Variants in GABRB3 observed in about 807,000 individuals in gnomAD.
GABRB3 encodes gamma-aminobutyric acid type A receptor subunit beta3.
Under a neutral mutation model 52.1 loss-of-function variants are expected in GABRB3, and 14 were observed. That is an observed-to-expected ratio of 0.27 (90% CI 0.18 to 0.42). The LOEUF is 0.42. Among genes scored for constraint, GABRB3 ranks in the 10% least tolerant of loss-of-function variants. The probability of loss-of-function intolerance (pLI) is 1.00; values close to 1 mark genes in which losing one functional copy is unlikely to be tolerated. For synonymous variants in GABRB3, 260 were observed against 232.3 expected (o/e 1.12, Z -1.08); for missense variants, 307 against 609.1 (o/e 0.50, Z 5.22).
At chr15:26,661,967 C>T (rs1887566596) in intron 3 of GABRB3, among the ~76,000 whole-genome samples, 1 of 152,136 alleles carries the variant, frequency 6.6e-6, no homozygotes, top group Non-Finnish European at 1.5e-5. Flanking sequence ...ATAACAGACA[C>T]TGAGTATTCA....
At chr15:26,580,613 T>C (rs1890755101) in intron 5 of GABRB3, 157 bp from the exon 6 acceptor site, 3 of 938,414 alleles carry the variant, frequency 3.2e-6, no homozygotes, top group African/African-American at 1.6e-5. Flanking sequence ...AAGAACTAAC[T>C]TTCCAATATT....
intron 8 of GABRB3, 104 bp downstream of exon 8, chr15:26,560,828 T>C (rs1200125584): frequency 6.6e-7 from 1 of 1,516,780 alleles, no homozygotes; most frequent in Non-Finnish European, 9.1e-7. Flanking sequence ...GGTGTGTGGC[T>C]TGACATACAC....
chr15:26,771,334 AG>A (rs1279202709), intron 3 of GABRB3, among the ~76,000 whole-genome samples: 2 of 152,164 alleles, frequency 1.3e-5, no homozygotes, highest in Non-Finnish European at 2.9e-5. Flanking sequence ...CCTTGGAGTG[AG>A]GAACTAGCAG....
At chr15:26,727,168 G>C (rs978640047) in intron 3 of GABRB3, among the ~76,000 whole-genome samples, 1 of 152,002 alleles carries the variant, frequency 6.6e-6, no homozygotes, top group Non-Finnish European at 1.5e-5. Context: ...CAGGAAAAAA[G>C]AAAAATCACT....
chr15:26,635,381 G>A (rs975843107), intron 3 of GABRB3, among the ~76,000 whole-genome samples: 3 of 151,946 alleles, frequency 2.0e-5, no homozygotes, highest in African/African-American at 7.3e-5. Context: ...TGACCATAAG[G>A]TTAAGAATTC....
At chr15:26,589,604 T>TC (rs142564745) in intron 4 of GABRB3, among the ~76,000 whole-genome samples, 2,709 of 152,306 alleles carry the variant, frequency 0.018, 71 homozygotes, top group African/African-American at 0.056. Context: ...AATCTTGGTC[T>TC]CTATCTCTCC....
At position 26,772,729 on chromosome 15, in the gene GABRB3, C is replaced by T; in HGVS notation, c.124G>A (p.Asp42Asn). ...ATGTCGTAGCCTTTCAACAGCTTGTCCACCGTCTCCTTCACAAAGGACATG... is the reference window on the plus strand; with the variant it reads ...ATGTCGTAGCCTTTCAACAGCTTGTTCACCGTCTCCTTCACAAAGGACATG... ...GNMSFVKETV[D>N]KLLKGYDIRL... Residue 42 changes from aspartate (D) to asparagine (N), a missense_variant, in exon 2 of 9, where the codon GAC becomes AAC. Physicochemically the swap from Asp to Asn is conservative, Grantham distance 23. Transcript: ENST00000311550. The T allele has an allele frequency of 6.3e-7, 1 of 1,575,970 alleles. No homozygotes were observed. Among genetic ancestry groups the T allele is most frequent in the Non-Finnish European group, 8.6e-7 (1 of 1,160,778 alleles).
At chr15:26,576,188 ATCTG>A (rs908657310) in intron 6 of GABRB3, among the ~76,000 whole-genome samples, 1 of 152,192 alleles carries the variant, frequency 6.6e-6, no homozygotes, top group Non-Finnish European at 1.5e-5. Context: ...TGATCCCGTA[ATCTG>A]TCTGTTATGC....
rs980827838 is a variant in GABRB3 at position 26,688,773 on chromosome 15, A to T, written c.241-67239T>A. On this transcript the variant is annotated intron_variant, in intron 3 of 8. Transcript: ENST00000311550. The stretch of plus-strand genomic sequence containing the variant: ...ATGCTACATAAAGCTAGCCACTGAC[A>T]GCTGGCTACCCAGGCTGAACACTGT... Among the ~76,000 whole-genome samples the T allele has an allele frequency of 5.1e-4, 77 of 152,344 alleles. 1 individual carries two copies. The highest frequency in any genetic ancestry group is 1.7e-3 in the African/African-American group (69 of 41,582).
chr15:26,574,047 T>A (rs1364420087), intron 6 of GABRB3, among the ~76,000 whole-genome samples: 2 of 152,202 alleles, frequency 1.3e-5, no homozygotes, highest in African/African-American at 4.8e-5. Context: ...TAAGACCCTG[T>A]CTCAAAGAAA....
At chr15:26,753,794 T>C (rs1890581382) in intron 3 of GABRB3, among the ~76,000 whole-genome samples, 1 of 152,120 alleles carries the variant, frequency 6.6e-6, no homozygotes, top group African/African-American at 2.4e-5. Flanking sequence ...AGAGGTGAAT[T>C]CCATGGGGAG....
chr15:26,603,242 G>A (rs770169761), intron 4 of GABRB3, among the ~76,000 whole-genome samples: 3 of 151,906 alleles, frequency 2.0e-5, no homozygotes, highest in Non-Finnish European at 4.4e-5. Context: ...TGAATAACAG[G>A]TAACAAGATT....
chr15:26,623,344 G>A (rs1595491837), intron 3 of GABRB3, among the ~76,000 whole-genome samples: 1 of 152,332 alleles, frequency 6.6e-6, no homozygotes, highest in African/African-American at 2.4e-5. Flanking sequence ...CCATGGAGCA[G>A]AGAGCCATGA....
At position 26,580,320 on chromosome 15, in the gene GABRB3, T is replaced by G; in HGVS notation, c.681A>C (p.Thr227=). 1 of 1,614,146 alleles carries G rather than the reference T, an allele frequency of 6.2e-7. No homozygotes were observed. Among genetic ancestry groups the G allele is most frequent in the Non-Finnish European group, 8.5e-7 (1 of 1,180,030 alleles). The change falls in exon 6 of 9, where the codon ACA becomes ACC. Residue 227 remains threonine (T), a splice_region_variant and synonymous_variant. Coordinates refer to ENST00000311550, the MANE Select transcript of GABRB3 (RefSeq NM_000814.6). ...ACTATAAGTGGATGCAGGACTCACC[T>G]GTGGCGAAGACAACATTCCTCGAGA... ...RLVSRNVVFA[T]GAYPRLSLSF...
intron 3 of GABRB3, among the ~76,000 whole-genome samples, chr15:26,642,231 T>C (rs959532568): frequency 3.3e-5 from 5 of 152,086 alleles, no homozygotes; most frequent in African/African-American, 9.7e-5. Context: ...GACCTCCATA[T>C]CCACCGGTTC....
chr15:26,637,833 T>C (rs1270885772), intron 3 of GABRB3, among the ~76,000 whole-genome samples: 1 of 152,142 alleles, frequency 6.6e-6, no homozygotes, highest in Non-Finnish European at 1.5e-5. Flanking sequence ...GTGTACCCCT[T>C]TGATTGCACC....
chr15:26,569,784 T>A (rs1047129672), intron 6 of GABRB3, among the ~76,000 whole-genome samples: 1 of 152,256 alleles, frequency 6.6e-6, no homozygotes, highest in African/African-American at 2.4e-5. Context: ...CTTGCAAATA[T>A]GACATTATAC....
chr15:26,656,194 C>T (rs1465309797), intron 3 of GABRB3, among the ~76,000 whole-genome samples: 1 of 152,148 alleles, frequency 6.6e-6, no homozygotes, highest in African/African-American at 2.4e-5. Context: ...GCAGAACTCA[C>T]CTGCCTGGGC....
chr15:26,636,209 G>T (rs575047738), intron 3 of GABRB3, among the ~76,000 whole-genome samples: 2 of 152,146 alleles, frequency 1.3e-5, no homozygotes, highest in African/African-American at 4.8e-5. Context: ...TCTACTTTTT[G>T]AACAAAGGAC....
Sources: gnomAD v4.1 joint callset for allele counts (sites outside exome capture counted in the v4.1 genomes callset) on GRCh38, gnomAD v4.1.1 for gene constraint, MANE v1.5 for transcripts, NCBI Gene and HGNC (gene_info 2026-07-23, HGNC 2026-07-21) for gene names.